ZSCAN25: variants seen among roughly 807,000 people sequenced by gnomAD.
ZSCAN25 encodes zinc finger and SCAN domain containing 25, also known as zinc finger and SCAN domain-containing protein 25.
ZSCAN25 carries 27 observed loss-of-function variants against 38.7 expected under a neutral mutation model. The ratio of observed to expected loss-of-function variants is 0.70; its 90% CI spans 0.51 to 0.96. The LOEUF (loss-of-function observed/expected upper bound fraction) is 0.96. Among genes scored for constraint, ZSCAN25 ranks in the 40% least tolerant of loss-of-function variants. The pLI, the probability that ZSCAN25 is intolerant of heterozygous loss-of-function variation, is 0.00. For missense variants in ZSCAN25, 637 were observed against 705.9 expected, an observed-to-expected ratio of 0.90 and a Z score of 1.11; for synonymous variants, 273 against 277.7, an observed-to-expected ratio of 0.98 and a Z score of 0.17.
chr7:99,624,066 C>A lies in ZSCAN25; in HGVS notation c.691C>A (p.Pro231Thr). The stretch of plus-strand genomic sequence containing the variant: ...TCTCCTATTGTTGCAGGGGTTGGGG[C>A]CATTTAAAGATATGGCCCTGGCCTT... ...FFTAGSQGLG[P>T]FKDMALAFPE... The change falls in exon 7 of 8, where the codon CCA (proline) becomes ACA (threonine). Residue 231 changes from proline (P) to threonine (T), a missense_variant. Coordinates refer to ENST00000394152, the MANE Select transcript of ZSCAN25 (RefSeq NM_145115.3). The A allele has an allele frequency of 6.2e-7, 1 of 1,614,120 alleles. No homozygotes were observed. Among genetic ancestry groups the A allele is most frequent in the South Asian group, 1.1e-5 (1 of 91,072 alleles).
chr7:99,621,626 G>C (rs1207626275), intron 5 of ZSCAN25, 52 bp downstream of exon 5: 1 of 1,274,832 alleles, frequency 7.8e-7, no homozygotes, highest in Non-Finnish European at 1.0e-6. Flanking sequence ...ACAGTGCTGT[G>C]CAGCCAACTC....
the ZSCAN25 span, chr7:99,658,687 C>G: frequency 2.5e-4 from 38 of 152,118 alleles, no homozygotes; most frequent in Admixed American, 2.4e-3. Context: ...TTTCCAACTT[C>G]GTTCTATTCT....
At chr7:99,701,754 G>T in the ZSCAN25 span, among the ~76,000 whole-genome samples, 1 of 152,178 alleles carries the variant, frequency 6.6e-6, no homozygotes, top group East Asian at 1.9e-4. Context: ...TTTGAGAAAT[G>T]TCTGTATAAA....
chr7:99,620,213 T>C (rs1400552676), intron 4 of ZSCAN25: 1 of 649,836 alleles, frequency 1.5e-6, no homozygotes. Context: ...AAGCCTCTGT[T>C]TGGTCATGAG....
the ZSCAN25 span, chr7:99,731,018 G>A: frequency 1.2e-6 from 2 of 1,609,082 alleles, no homozygotes; most frequent in East Asian, 2.2e-5. Context: ...GTTGCTCTTT[G>A]CAATCATAAG....
At chr7:99,620,956 C>G in intron 4 of ZSCAN25, 1 of 153,858 alleles carries the variant, frequency 6.5e-6, no homozygotes. Flanking sequence ...CGCCATGTTG[C>G]CCAGGCTTCC....
chr7:99,721,666 A>G, the ZSCAN25 span, among the ~76,000 whole-genome samples: 1 of 152,196 alleles, frequency 6.6e-6, no homozygotes, highest in Non-Finnish European at 1.5e-5. Context: ...GACATATGGG[A>G]TCCTTGGTAG....
chr7:99,667,207 C>CCA, the ZSCAN25 span: 1 of 447,046 alleles, frequency 2.2e-6, no homozygotes, highest in Non-Finnish European at 3.4e-6. Context: ...TCAAGATGCT[C>CCA]AATGGAGATC....
the ZSCAN25 span, among the ~76,000 whole-genome samples, chr7:99,728,432 G>A: frequency 6.6e-6 from 1 of 152,084 alleles, no homozygotes; most frequent in Admixed American, 6.6e-5. Flanking sequence ...CTCATACCCA[G>A]TTGCCCCATC....
At chr7:99,672,824 A>T in the ZSCAN25 span, 1 of 1,480,922 alleles carries the variant, frequency 6.8e-7, no homozygotes, top group South Asian at 1.4e-5. Flanking sequence ...GTTCTAGTTC[A>T]TTAGGGTGTG....
At chr7:99,708,730 CATA>C in the ZSCAN25 span, among the ~76,000 whole-genome samples, 1 of 152,094 alleles carries the variant, frequency 6.6e-6, no homozygotes, top group East Asian at 1.9e-4. Flanking sequence ...ATTTGTGGGA[CATA>C]ATAATAGCAT....
chr7:99,697,686 ACT>A, the ZSCAN25 span, among the ~76,000 whole-genome samples: 9 of 152,202 alleles, frequency 5.9e-5, no homozygotes, highest in African/African-American at 2.2e-4. Flanking sequence ...AAATCCAGTG[ACT>A]CTGATAATAT....
At chr7:99,731,099 G>A in the ZSCAN25 span, 1 of 1,613,774 alleles carries the variant, frequency 6.2e-7, no homozygotes, top group Admixed American at 1.7e-5. Context: ...AGGCAGAGGT[G>A]TGGGCCCTGG....
the ZSCAN25 span, chr7:99,699,909 GAGT>G: frequency 8.5e-7 from 1 of 1,178,362 alleles, no homozygotes; most frequent in African/African-American, 1.5e-5. Flanking sequence ...ACAGGGGCCT[GAGT>G]AGCACCCCAA....
the ZSCAN25 span, chr7:99,647,748 C>T: frequency 1.0e-6 from 1 of 985,412 alleles, no homozygotes; most frequent in East Asian, 1.1e-4. Flanking sequence ...AAAGGCCCCA[C>T]ACCAACAGTG....
chr7:99,708,939 C>T, the ZSCAN25 span: 10 of 1,369,042 alleles, frequency 7.3e-6, no homozygotes, highest in Non-Finnish European at 9.3e-6. Context: ...AAAAGACAAG[C>T]AAACGATTGT....
the ZSCAN25 span, among the ~76,000 whole-genome samples, chr7:99,677,801 T>C: frequency 6.6e-6 from 1 of 152,202 alleles, no homozygotes. Flanking sequence ...GTCAAATCAA[T>C]GACACTAATC....
At chr7:99,708,584 T>C in the ZSCAN25 span, among the ~76,000 whole-genome samples, 3 of 152,136 alleles carry the variant, frequency 2.0e-5, no homozygotes, top group South Asian at 2.1e-4. Flanking sequence ...TGCTACTGTA[T>C]TGATGGAAAG....
the ZSCAN25 span, chr7:99,663,964 T>G: frequency 6.3e-7 from 1 of 1,581,206 alleles, no homozygotes; most frequent in Non-Finnish European, 8.5e-7. Flanking sequence ...CCATCAGATT[T>G]TACCTTTTGT....
Sources: gnomAD v4.1 joint callset for allele counts (sites outside exome capture counted in the v4.1 genomes callset) on GRCh38, gnomAD v4.1.1 for gene constraint, MANE v1.5 for transcripts, NCBI Gene and HGNC (gene_info 2026-07-23, HGNC 2026-07-21) for gene names.